RELN: variants seen among roughly 807,000 people sequenced by gnomAD.
The protein encoded by RELN is reelin.
In RELN, 108 loss-of-function variants were observed where a neutral mutation model predicts 427.6. That is an observed-to-expected ratio of 0.25 (90% CI 0.22 to 0.30). The LOEUF (loss-of-function observed/expected upper bound fraction) is 0.30, where lower values mean the gene tolerates loss of function less well. Ranked by LOEUF, RELN falls within the 10% of genes least tolerant of loss-of-function variation. RELN has a pLI of 1.00. For synonymous variants in RELN, 1,524 were observed against 1,513.4 expected (o/e 1.01, Z -0.16); for missense variants, 3,715 against 4,302.8 (o/e 0.86, Z 3.82).
rs1301178872 is a variant in RELN, at chr7:103,472,264, T to C, written c.*548A>G. On this transcript the variant is annotated 3_prime_UTR_variant, in exon 65 of 65. Coordinates refer to ENST00000428762, the MANE Select transcript of RELN (RefSeq NM_005045.4). ...CTATCTTCTTGAATAGGTATTTCAA[T>C]TAATTTTCTGCAGAATATAAGTAGC... 2 of 160,698 alleles carry C rather than the reference T, an allele frequency of 1.2e-5. No homozygotes were observed. Among genetic ancestry groups the C allele is most frequent in the African/African-American group, 4.8e-5 (2 of 41,498 alleles). 10.0% of individuals were successfully genotyped at this position (160,698 alleles called of 1,614,324 possible).
chr7:103,941,215 A>G (rs910456948), intron 1 of RELN, among the ~76,000 whole-genome samples: 2 of 152,210 alleles, frequency 1.3e-5, no homozygotes, highest in Non-Finnish European at 2.9e-5. Flanking sequence ...ACACATCTAG[A>G]AAAAGAGAAA....
chr7:103,959,280 G>C (rs1018498562), intron 1 of RELN, among the ~76,000 whole-genome samples: 5 of 152,044 alleles, frequency 3.3e-5, no homozygotes, highest in African/African-American at 9.7e-5. Flanking sequence ...TTTCCCTCCT[G>C]CATCAGTTAA....
At chr7:103,874,892 A>T (rs1018259116) in intron 2 of RELN, among the ~76,000 whole-genome samples, 4 of 146,868 alleles carry the variant, frequency 2.7e-5, no homozygotes, top group African/African-American at 9.8e-5. Context: ...AAGAGCCTGC[A>T]TTGCCAAGTC....
intron 9 of RELN, among the ~76,000 whole-genome samples, chr7:103,699,660 A>G (rs57310636): frequency 0.11 from 16,003 of 152,128 alleles, 960 homozygotes; most frequent in African/African-American, 0.17. Flanking sequence ...AACATACTAG[A>G]AAGAGAAAAA....
intron 11 of RELN, among the ~76,000 whole-genome samples, chr7:103,662,624 A>AC (rs1833168702): frequency 8.6e-6 from 1 of 116,376 alleles, no homozygotes; most frequent in Non-Finnish European, 1.9e-5. Flanking sequence ...AGACTCCGTC[A>AC]CAAAAAAAAA....
chr7:103,768,678 C>T (rs549548692), intron 4 of RELN, among the ~76,000 whole-genome samples: 1 of 152,052 alleles, frequency 6.6e-6, no homozygotes. Flanking sequence ...GTTAAAAAAA[C>T]CAAAAAGTTA....
intron 1 of RELN, among the ~76,000 whole-genome samples, chr7:103,930,126 G>T (rs1023633440): frequency 6.6e-6 from 1 of 152,166 alleles, no homozygotes; most frequent in Non-Finnish European, 1.5e-5. Context: ...TTTTTCCACA[G>T]TTCTGGAGGC....
intron 44 of RELN, chr7:103,539,554 T>G (rs1830130685): frequency 5.4e-6 from 3 of 554,478 alleles, no homozygotes; most frequent in Admixed American, 3.1e-5. Context: ...GACAAAACCA[T>G]TCACAGCCTA....
intron 2 of RELN, among the ~76,000 whole-genome samples, chr7:103,889,399 T>C (rs1794795640): frequency 6.6e-6 from 1 of 152,200 alleles, no homozygotes; most frequent in African/African-American, 2.4e-5. Flanking sequence ...TTGGGAATGC[T>C]ACCAAGAACT....
intron 28 of RELN, among the ~76,000 whole-genome samples, chr7:103,587,667 A>G (rs1831308576): frequency 6.6e-6 from 1 of 152,176 alleles, no homozygotes; most frequent in African/African-American, 2.4e-5. Context: ...TATACAAAGA[A>G]CTCAAACAAC....
chr7:103,631,655 C>T (rs542550351), intron 19 of RELN, among the ~76,000 whole-genome samples: 13 of 152,174 alleles, frequency 8.5e-5, no homozygotes, highest in Non-Finnish European at 1.8e-4. Context: ...TAAATACTTT[C>T]TAAAATCTGT....
intron 1 of RELN, among the ~76,000 whole-genome samples, chr7:103,986,052 A>G (rs536222754): frequency 1.3e-5 from 2 of 152,316 alleles, no homozygotes; most frequent in East Asian, 3.9e-4. Flanking sequence ...TTTGTGCAAA[A>G]AAAAAGGAAA....
intron 1 of RELN, among the ~76,000 whole-genome samples, chr7:103,954,460 A>G (rs961128398): frequency 1.4e-5 from 2 of 140,436 alleles, no homozygotes; most frequent in Admixed American, 7.2e-5. Context: ...GTGTGTGTGC[A>G]CACACATGCA....
intron 6 of RELN, among the ~76,000 whole-genome samples, chr7:103,734,736 C>T (rs1028537707): frequency 1.3e-4 from 20 of 152,210 alleles, no homozygotes; most frequent in South Asian, 2.1e-4. Flanking sequence ...ATATTGTTTG[C>T]GTTCTGCCTA....
At chr7:103,639,481 C>A (rs983152738) in intron 17 of RELN, among the ~76,000 whole-genome samples, 86 of 150,756 alleles carry the variant, frequency 5.7e-4, no homozygotes, top group African/African-American at 2.0e-3. Flanking sequence ...CTCACTGCAA[C>A]CTCTACCTCC....
rs929769519 is a variant in RELN, at chr7:103,640,698, C to T, written c.2003-89G>A. 7.5e-7 allele frequency: 1 copy of T among 1,334,576 alleles called. No individual in the cohort carries two copies. The highest frequency in any genetic ancestry group is 1.9e-5 in the Admixed American group (1 of 53,594). The allele number at this position is 1,334,576 out of a possible 1,614,324, so 82.7% of individuals were successfully genotyped here. A position where few individuals can be genotyped will look rare whatever the true frequency, so the allele number is the denominator to read the frequency against. Reference sequence around the variant, plus strand: ...AAGTAATACTCATGAAATATGGCCCCTTGTGTGTATGTTGTGTGCAGGAAC... The same window carrying T: ...AAGTAATACTCATGAAATATGGCCCTTTGTGTGTATGTTGTGTGCAGGAAC... On this transcript the variant is annotated intron_variant, in intron 16 of 64. Transcript: ENST00000428762. The surrounding 1 kb of genome is among the most constrained non-coding windows in gnomAD (Gnocchi z 4.1).
intron 1 of RELN, among the ~76,000 whole-genome samples, chr7:103,971,751 T>C (rs951788207): frequency 3.9e-5 from 6 of 152,106 alleles, no homozygotes; most frequent in Non-Finnish European, 8.8e-5. Flanking sequence ...TATTTGAGCA[T>C]CACTGAATAA....
rs571487501 is a variant in RELN, at chr7:103,648,645, A to G, written c.2002+1629T>C. On this transcript the variant is annotated intron_variant, in intron 16 of 64. Coordinates refer to ENST00000428762, the MANE Select transcript of RELN (RefSeq NM_005045.4). ...AGTAAAAGAAATAATCAACACAGTG[A>G]ACAGACAACCTACAGATTGGGAGAA... Among the ~76,000 whole-genome samples, 11 of 152,282 alleles carry G rather than the reference A, an allele frequency of 7.2e-5. 1 individual carries two copies. The South Asian group carries it at 1.9e-3, about 26-fold the overall frequency.
In RELN at chr7:103,553,481, T is replaced by C. The variant is rs1210803398; in HGVS notation, c.6052A>G (p.Asn2018Asp). The C allele has an allele frequency of 6.2e-7, 1 of 1,612,988 alleles. No homozygotes were observed. Among genetic ancestry groups the C allele is most frequent in the East Asian group, 2.2e-5 (1 of 44,860 alleles). ...AGTACCTCAAATTGTATGATGGTGTTCTCATTCACATTTAGGTCACGGGTG... is the reference window on the plus strand; with the variant it reads ...AGTACCTCAAATTGTATGATGGTGTCCTCATTCACATTTAGGTCACGGGTG... ...ITTRDLNVNE[N>D]TIIQFEINVG... is the part of the protein sequence containing the mutation. The change falls in exon 40 of 65, where the codon AAC (asparagine) becomes GAC (aspartate). Residue 2018 changes from asparagine (N) to aspartate (D), a missense_variant. Coordinates refer to ENST00000428762, the MANE Select transcript of RELN (RefSeq NM_005045.4).
Sources: gnomAD v4.1 joint callset for allele counts (sites outside exome capture counted in the v4.1 genomes callset) on GRCh38, gnomAD v4.1.1 for gene constraint, Gnocchi (gnomAD v3.1) non-coding constraint, MANE v1.5 for transcripts, NCBI Gene and HGNC (gene_info 2026-07-23, HGNC 2026-07-21) for gene names.